The following TSKS variants were observed in gnomAD, a reference collection of about 807,000 sequenced individuals.
TSKS encodes testis-specific serine kinase substrate.
A neutral mutation model predicts 68.0 loss-of-function variants in TSKS; 27 were observed. The observed-to-expected ratio is 0.40, with a 90% CI of 0.29 to 0.55. The LOEUF (loss-of-function observed/expected upper bound fraction) is 0.55, where lower values mean the gene tolerates loss of function less well. TSKS is among the 20% of genes least tolerant of loss of function. The pLI is 0.53. For synonymous variants in TSKS, 331 were observed against 340.4 expected, an observed-to-expected ratio of 0.97 and a Z score of 0.30; for missense variants, 806 against 776.0, an observed-to-expected ratio of 1.04 and a Z score of -0.46.
chr19:49,758,579 G>T (rs921933671), intron 2 of TSKS, among the ~76,000 whole-genome samples: 1 of 152,134 alleles, frequency 6.6e-6, no homozygotes, highest in African/African-American at 2.4e-5. Flanking sequence ...CTGTCTGAGG[G>T]AGGAGATGTC....
chr19:49,749,825 T>C (rs2084334158), intron 2 of TSKS, among the ~76,000 whole-genome samples: 1 of 152,140 alleles, frequency 6.6e-6, no homozygotes, highest in East Asian at 1.9e-4. Context: ...TTACCCAAGC[T>C]GGCCTCAAAC....
At chr19:49,747,203 C>T (rs1291723840) in intron 5 of TSKS, 186 bp downstream of exon 5, 5 of 1,537,124 alleles carry the variant, frequency 3.3e-6, no homozygotes, top group East Asian at 2.4e-5. Context: ...GGGCAAGAGT[C>T]CCCCATCTGG....
chr19:49,762,950 C>T (rs548811771), intron 1 of TSKS, 128 bp downstream of exon 1: 62 of 1,245,226 alleles, frequency 5.0e-5, no homozygotes, highest in Non-Finnish European at 6.4e-5. Context: ...CACTGCTGCC[C>T]TCTTTCCTGC....
At position 49,746,665 on chromosome 19, in the gene TSKS, GCCTCCGGCTTCTGCTTCT is replaced by G. The variant is rs765589235; in HGVS notation, c.779_796del (p.Glu260_Glu265del). The G allele has an allele frequency of 8.7e-6, 14 of 1,605,678 alleles. No homozygotes were observed. Among genetic ancestry groups the G allele is most frequent in the Admixed American group, 8.3e-5 (5 of 59,886 alleles). On this transcript the variant is annotated inframe_deletion, in exon 6 of 11. Transcript: ENST00000246801. ...GCCCAGGCTGTTCCAGGAGAGGCCAGCCTCCGGCTTCTGCTTCTCCTCCGGCTCCTGCTTCTCCTCCGG... is the reference window on the plus strand; with the variant it reads ...GCCCAGGCTGTTCCAGGAGAGGCCAGCCTCCGGCTCCTGCTTCTCCTCCGG...
At chr19:49,745,662 C>T (rs1448332555) in intron 6 of TSKS, among the ~76,000 whole-genome samples, 2 of 152,110 alleles carry the variant, frequency 1.3e-5, no homozygotes, top group African/African-American at 4.8e-5. Context: ...ACCTGGGCTC[C>T]TCCAGACACT....
chr19:49,758,975 AGCCTCCCACATAGCTGG>A (rs2084416743), intron 2 of TSKS, among the ~76,000 whole-genome samples: 1 of 151,660 alleles, frequency 6.6e-6, no homozygotes, highest in Admixed American at 6.6e-5. Flanking sequence ...CTTCTGCCTC[AGCCTCCCACATAGCTGG>A]GATTACAGGC....
chr19:49,762,604 T>C (rs559767963), intron 1 of TSKS, among the ~76,000 whole-genome samples: 16 of 152,110 alleles, frequency 1.1e-4, no homozygotes, highest in African/African-American at 3.1e-4. Context: ...AATTTTAGTA[T>C]TTTTAGTAGA....
At chr19:49,754,175 C>T (rs924473288) in intron 2 of TSKS, among the ~76,000 whole-genome samples, 6 of 150,932 alleles carry the variant, frequency 4.0e-5, no homozygotes, top group African/African-American at 9.7e-5. Flanking sequence ...CGTGAGCCAC[C>T]GTTCCCTGCT....
In TSKS at chr19:49,744,321, A is replaced by C. The variant is rs953236566; in HGVS notation, c.1271T>G (p.Phe424Cys). The C allele has an allele frequency of 1.2e-6, 2 of 1,614,018 alleles. No homozygotes were observed. Residue 424 changes from phenylalanine to cysteine, a missense_variant, in exon 8 of 11, where the codon TTC becomes TGC. Transcript: ENST00000246801. Reference protein sequence around the residue: ...LGPLKPILEEFGRQFQNSRRG... With the variant: ...LGPLKPILEECGRQFQNSRRG... ...TCGAGAGTTCTGAAATTGCCGCCCG[A>C]ACTCCTCCAGAATGGGTTTCAGTGG...
intron 2 of TSKS, among the ~76,000 whole-genome samples, chr19:49,752,770 A>G (rs1310257206): frequency 2.6e-5 from 4 of 152,258 alleles, no homozygotes; most frequent in Admixed American, 2.6e-4. Context: ...AAATGTTCCA[A>G]CAAATTCCTG....
chr19:49,752,757 T>G (rs2084361736), intron 2 of TSKS, among the ~76,000 whole-genome samples: 1 of 152,240 alleles, frequency 6.6e-6, no homozygotes, highest in Non-Finnish European at 1.5e-5. Context: ...TGTAGAAGCC[T>G]TGAAATGTTC....
At chr19:49,740,900 C>T (rs967225668) in intron 9 of TSKS, among the ~76,000 whole-genome samples, 17 of 150,112 alleles carry the variant, frequency 1.1e-4, no homozygotes, top group African/African-American at 3.7e-4. Flanking sequence ...AAAAAAAGGC[C>T]GGGCGCAGTG....
rs766495801 is a variant in TSKS, at chr19:49,746,557, C to T, written c.905G>A (p.Gly302Asp). 6.2e-7 allele frequency: 1 copy of T among 1,613,408 alleles called. No individual in the cohort carries two copies. Among genetic ancestry groups the T allele is most frequent in the Non-Finnish European group, 8.5e-7 (1 of 1,179,824 alleles). Reference sequence around the variant, plus strand: ...GCCAGCCCGAGGCCCCATTCCCCAGCCTGCGGGGACCAGGCCGTGTGGCCG... The same window carrying T: ...GCCAGCCCGAGGCCCCATTCCCCAGTCTGCGGGGACCAGGCCGTGTGGCCG... ...PSRPHGLVPA[G>D]WGMGPRAGEG... The change falls in exon 6 of 11, where the codon GGC becomes GAC. Residue 302 changes from glycine to aspartate, a missense_variant. Gly to Asp is a moderately conservative substitution (Grantham distance 94, BLOSUM62 -1). Coordinates refer to ENST00000246801, the MANE Select transcript of TSKS (RefSeq NM_021733.2).
chr19:49,761,848 G>C (rs1411963251), intron 2 of TSKS, among the ~76,000 whole-genome samples, 156 bp downstream of exon 2: 1 of 152,198 alleles, frequency 6.6e-6, no homozygotes, highest in African/African-American at 2.4e-5. Context: ...GGCTGTCAGA[G>C]AAGGAGGAGG....
intron 6 of TSKS, among the ~76,000 whole-genome samples, chr19:49,745,845 G>T (rs997184203): frequency 6.6e-5 from 10 of 152,268 alleles, no homozygotes; most frequent in African/African-American, 2.4e-4. Flanking sequence ...TGCCTTCGGG[G>T]CACTCCCTCC....
At chr19:49,750,928 C>T (rs1269871917) in intron 2 of TSKS, among the ~76,000 whole-genome samples, 2 of 152,124 alleles carry the variant, frequency 1.3e-5, no homozygotes, top group Non-Finnish European at 2.9e-5. Flanking sequence ...ATGGAGGCAG[C>T]AACACATTTC....
At chr19:49,747,522 C>T in intron 4 of TSKS, 50 bp from the exon 5 acceptor site, 3 of 1,586,498 alleles carry the variant, frequency 1.9e-6, no homozygotes, top group Non-Finnish European at 2.6e-6. Context: ...CCAGTTCTGC[C>T]TCCCAACCCT....
chr19:49,762,078 G>A lies in TSKS; in HGVS notation c.325C>T (p.Leu109Phe), dbSNP rs763984697. 1.2e-6 allele frequency: 2 copies of A among 1,614,074 alleles called. No individual in the cohort carries two copies. The highest frequency in any genetic ancestry group is 1.3e-5 in the African/African-American group (1 of 74,938). Residue 109 changes from leucine to phenylalanine, a missense_variant, in exon 2 of 11, where the codon CTC becomes TTC. Transcript: ENST00000246801. ...GAGGCAGGGGGCCCAGCCAGTGTGA[G>A]TTGGCCGCTGAGGTCTTCCACTGTG... ...DSTVEDLSGQ[L>F]TLAGPPASPT...
intron 8 of TSKS, among the ~76,000 whole-genome samples, chr19:49,743,452 C>T (rs1421429984): frequency 2.0e-5 from 3 of 148,772 alleles, no homozygotes; most frequent in Admixed American, 6.7e-5. Flanking sequence ...AGCGTGATCT[C>T]GGCTCACTGC....
Sources: gnomAD v4.1 joint callset for allele counts (sites outside exome capture counted in the v4.1 genomes callset) on GRCh38, gnomAD v4.1.1 for gene constraint, MANE v1.5 for transcripts, NCBI Gene and HGNC (gene_info 2026-07-23, HGNC 2026-07-21) for gene names.